OCA2: variants seen among roughly 807,000 people sequenced by gnomAD.
OCA2 encodes P protein.
Under a neutral mutation model 100.2 loss-of-function variants are expected in OCA2, and 77 were observed. That is an observed-to-expected ratio of 0.77 (90% CI 0.64 to 0.93). The LOEUF is 0.93. Ranked by LOEUF, OCA2 falls within the 40% of genes least tolerant of loss-of-function variation. The pLI, the probability that OCA2 is intolerant of heterozygous loss-of-function variation, is 0.00. For missense variants in OCA2, 1,062 were observed against 1,089.1 expected (o/e 0.98, Z 0.35); for synonymous variants, 432 against 439.2 (o/e 0.98, Z 0.21).
At chr15:27,975,383 C>T (rs1177490800) in intron 14 of OCA2, among the ~76,000 whole-genome samples, 1 of 152,212 alleles carries the variant, frequency 6.6e-6, no homozygotes, top group Admixed American at 6.5e-5. Flanking sequence ...TATTCTACTA[C>T]AACTTAGGTT....
At chr15:27,917,470 G>T (rs60120477) in intron 19 of OCA2, among the ~76,000 whole-genome samples, 7,676 of 152,194 alleles carry the variant, frequency 0.05, 367 homozygotes, top group South Asian at 0.21. Flanking sequence ...TAACCTGTTC[G>T]CCTGAATTGG....
At chr15:28,045,038 T>A (rs1047918260) in intron 2 of OCA2, among the ~76,000 whole-genome samples, 13 of 152,342 alleles carry the variant, frequency 8.5e-5, no homozygotes, top group Admixed American at 7.8e-4. Context: ...TCACATATAA[T>A]GTGATTAGAA....
intron 1 of OCA2, among the ~76,000 whole-genome samples, chr15:28,090,983 T>A (rs1037212159): frequency 1.3e-5 from 2 of 152,192 alleles, no homozygotes; most frequent in African/African-American, 4.8e-5. Context: ...ATGACAGTTA[T>A]TAATGTCAGG....
chr15:28,016,251 A>G, intron 7 of OCA2, 65 bp from the exon 8 acceptor site: 1 of 1,219,860 alleles, frequency 8.2e-7, no homozygotes, highest in Non-Finnish European at 1.2e-6. Context: ...GGGATCTGGC[A>G]CTGCTCGGTC....
At chr15:27,981,922 A>C (rs1298497771) in intron 14 of OCA2, among the ~76,000 whole-genome samples, 1 of 152,034 alleles carries the variant, frequency 6.6e-6, no homozygotes, top group Non-Finnish European at 1.5e-5. Context: ...TGCACTCTGG[A>C]AGCTCTCTTG....
intron 22 of OCA2, among the ~76,000 whole-genome samples, chr15:27,847,023 C>A (rs565710420): frequency 2.8e-4 from 43 of 152,188 alleles, no homozygotes; most frequent in African/African-American, 1.0e-3. Flanking sequence ...GGGCTGCTCT[C>A]CCCCAGAGGC....
intron 12 of OCA2, among the ~76,000 whole-genome samples, chr15:27,986,234 A>C (rs2041347465): frequency 6.6e-6 from 1 of 152,368 alleles, no homozygotes; most frequent in South Asian, 2.1e-4. Flanking sequence ...TATTTCACCA[A>C]AAAGCAAAGT....
chr15:27,949,760 C>T (rs970168617), intron 18 of OCA2, among the ~76,000 whole-genome samples: 3 of 152,104 alleles, frequency 2.0e-5, no homozygotes, highest in African/African-American at 2.4e-5. Flanking sequence ...GCTGAAGACC[C>T]GGGAAGATCT....
intron 9 of OCA2, among the ~76,000 whole-genome samples, chr15:27,993,821 C>T (rs1054345588): frequency 1.3e-5 from 2 of 152,208 alleles, no homozygotes; most frequent in East Asian, 3.9e-4. Context: ...CCACACACCA[C>T]GTGGGAGGCG....
chr15:28,074,786 G>A (rs2044380322), intron 2 of OCA2, among the ~76,000 whole-genome samples: 1 of 152,068 alleles, frequency 6.6e-6, no homozygotes, highest in African/African-American at 2.4e-5. Context: ...GGCAGAGGTT[G>A]CAGTAAGCCG....
chr15:27,739,462 T>TTTG, the OCA2 span, among the ~76,000 whole-genome samples: 1 of 108,974 alleles, frequency 9.2e-6, no homozygotes, highest in South Asian at 2.6e-4. Context: ...TTTTTTTTTT[T>TTTG]TGAGACAGAG....
chr15:28,061,601 A>C (rs867883328), intron 2 of OCA2, among the ~76,000 whole-genome samples: 22 of 152,214 alleles, frequency 1.4e-4, no homozygotes, highest in African/African-American at 5.3e-4. Flanking sequence ...AGAGGCCCAG[A>C]GAGTGCACTC....
intron 23 of OCA2, among the ~76,000 whole-genome samples, chr15:27,796,657 C>T (rs4778180): frequency 0.15 from 23,090 of 152,194 alleles, 2,835 homozygotes; most frequent in East Asian, 0.59. Flanking sequence ...GGGCTAAGCA[C>T]GGAGTCCTGC....
intron 14 of OCA2, among the ~76,000 whole-genome samples, chr15:27,969,740 C>G (rs1163964498): frequency 2.0e-5 from 3 of 152,100 alleles, no homozygotes; most frequent in Non-Finnish European, 2.9e-5. Flanking sequence ...GATTCATAAT[C>G]TACATACATT....
Position 27,957,842 on chromosome 15 carries a change from C to G in OCA2, c.1637-107G>C, listed in dbSNP as rs1034947864. ...ATGCCTGACAGAGCAGACACACACT[C>G]GAGACGTGCAGGTAGCCCAGGGTCA... On this transcript the variant is annotated intron_variant, in intron 15 of 23. Transcript: ENST00000354638. This position sits in a 1 kb window ranked among gnomAD's most constrained non-coding sequence, Gnocchi z 4.3. 1.5e-6 allele frequency: 2 copies of G among 1,370,014 alleles called. No homozygotes were observed. The highest frequency in any genetic ancestry group is 2.0e-6 in the Non-Finnish European group (2 of 978,802). The allele number at this position is 1,370,014 out of a possible 1,614,324, so 84.9% of individuals were successfully genotyped here. A position where few individuals can be genotyped will look rare whatever the true frequency, so the allele number is the denominator to read the frequency against.
At chr15:27,913,851 G>A (rs1341400447) in intron 19 of OCA2, among the ~76,000 whole-genome samples, 3 of 30,438 alleles carry the variant, frequency 9.9e-5, no homozygotes, top group African/African-American at 3.5e-4. Context: ...AAGAAAGAAA[G>A]AAAGAAAGAA....
chr15:27,719,302 A>T, the OCA2 span, among the ~76,000 whole-genome samples: 1 of 152,168 alleles, frequency 6.6e-6, no homozygotes, highest in Non-Finnish European at 1.5e-5. Flanking sequence ...CTGTGCGAGT[A>T]CATCCCTGGT....
At chr15:27,778,940 T>C (rs1028897120) in intron 23 of OCA2, among the ~76,000 whole-genome samples, 4 of 152,212 alleles carry the variant, frequency 2.6e-5, no homozygotes, top group Admixed American at 1.3e-4. Flanking sequence ...TCTTTTGAAA[T>C]TTTTACAGCA....
intron 14 of OCA2, among the ~76,000 whole-genome samples, chr15:27,972,464 C>T (rs2040822741): frequency 6.6e-6 from 1 of 152,218 alleles, no homozygotes. Flanking sequence ...ACATTCAAAC[C>T]AGCAGTGTAT....
Sources: gnomAD v4.1 joint callset for allele counts (sites outside exome capture counted in the v4.1 genomes callset) on GRCh38, gnomAD v4.1.1 for gene constraint, Gnocchi (gnomAD v3.1) non-coding constraint, MANE v1.5 for transcripts, NCBI Gene and HGNC (gene_info 2026-07-23, HGNC 2026-07-21) for gene names.